Variants in COL23A1 observed in about 807,000 individuals in gnomAD.
The protein encoded by COL23A1 is collagen type XXIII alpha 1 chain.
COL23A1 carries 97 observed loss-of-function variants against 99.3 expected under a neutral mutation model. The ratio of observed to expected loss-of-function variants is 0.98; its 90% CI spans 0.83 to 1.16. The LOEUF (loss-of-function observed/expected upper bound fraction) is 1.16. Ranked by LOEUF, COL23A1 falls within the 50% of genes most tolerant of loss-of-function variation. The pLI is 0.00. For missense variants in COL23A1, 762 were observed against 757.4 expected (o/e 1.01, Z -0.07); for synonymous variants, 320 against 308.2 (o/e 1.04, Z -0.40).
chr5:178,405,405 T>C (rs1442052142), intron 2 of COL23A1, among the ~76,000 whole-genome samples: 1 of 152,264 alleles, frequency 6.6e-6, no homozygotes, highest in Non-Finnish European at 1.5e-5. Context: ...ACCCAATAGT[T>C]TTAGGAGATT....
rs1235103304 is a variant in COL23A1 at position 178,590,077 on chromosome 5, G to A, written c.121C>T (p.Leu41=). 6 of 1,315,564 alleles carry A rather than the reference G, an allele frequency of 4.6e-6. No homozygotes were observed. The highest frequency in any genetic ancestry group is 5.8e-6 in the Non-Finnish European group (6 of 1,028,792). 81.5% of individuals were successfully genotyped at this position (1,315,564 alleles called of 1,614,324 possible). A position where few individuals can be genotyped will look rare whatever the true frequency, so the allele number is the denominator to read the frequency against. The part of the protein sequence containing the change: ...AGSRAVSALC[L]LLSVGSAAAC... The stretch of plus-strand genomic sequence containing the variant: ...GCCGCCGAGCCCACGGAGAGCAGCA[G>A]GCACAGCGCGCTCACCGCCCGGGAC... Residue 41 remains leucine (L), a synonymous_variant, in exon 1 of 29, where the codon CTG becomes TTG. Transcript: ENST00000390654. The surrounding 1 kb of genome is among the most constrained non-coding windows in gnomAD (Gnocchi z 5.7).
chr5:178,583,653 G>A (rs1382457603), intron 1 of COL23A1, among the ~76,000 whole-genome samples: 2 of 152,204 alleles, frequency 1.3e-5, no homozygotes, highest in African/African-American at 4.8e-5. Context: ...AATTTCTGCT[G>A]GGACTGTTGG....
In COL23A1 at chr5:178,468,238, C is replaced by T. The variant is rs1043217011; in HGVS notation, c.361+92444G>A. Among the ~76,000 whole-genome samples, 3 of 151,936 alleles carry T rather than the reference C, an allele frequency of 2.0e-5. No individual in the cohort carries two copies. The highest frequency in any genetic ancestry group is 4.4e-5 in the Non-Finnish European group (3 of 68,012). On this transcript the variant is annotated intron_variant, in intron 2 of 28. Coordinates refer to ENST00000390654, the MANE Select transcript of COL23A1 (RefSeq NM_173465.4). The surrounding 1 kb of genome is among the most constrained non-coding windows in gnomAD (Gnocchi z 4.2). Reference sequence around the variant, plus strand: ...CCACCCAGACTCCAGCCAGAAGCCACGGCAAGCCGCCAGTGTCGAGCAGAG... The same window carrying T: ...CCACCCAGACTCCAGCCAGAAGCCATGGCAAGCCGCCAGTGTCGAGCAGAG...
At chr5:178,392,997 G>T (rs1764045904) in intron 2 of COL23A1, among the ~76,000 whole-genome samples, 2 of 152,236 alleles carry the variant, frequency 1.3e-5, no homozygotes, top group Non-Finnish European at 2.9e-5. Flanking sequence ...TCAGCCATCT[G>T]CATTTTGCAG....
chr5:178,344,076 G>C (rs1031843250), intron 2 of COL23A1, among the ~76,000 whole-genome samples: 1 of 152,140 alleles, frequency 6.6e-6, no homozygotes, highest in Admixed American at 6.5e-5. Context: ...TTTTAGAAAA[G>C]AAATGAACGT....
At chr5:178,446,948 G>A (rs1767193560) in intron 2 of COL23A1, among the ~76,000 whole-genome samples, 1 of 152,092 alleles carries the variant, frequency 6.6e-6, no homozygotes, top group African/African-American at 2.4e-5. Context: ...CTCTAATTAT[G>A]AGAATAAATC....
At chr5:178,245,773 T>TG (rs1262703640) in intron 25 of COL23A1, among the ~76,000 whole-genome samples, 169 bp downstream of exon 25, 2 of 152,236 alleles carry the variant, frequency 1.3e-5, no homozygotes, top group African/African-American at 4.8e-5. Context: ...GGACCTACTC[T>TG]GGGTCGTGCA....
intron 2 of COL23A1, among the ~76,000 whole-genome samples, chr5:178,543,778 T>C (rs934734833): frequency 6.6e-6 from 1 of 152,156 alleles, no homozygotes; most frequent in African/African-American, 2.4e-5. Flanking sequence ...ACAGATTTAG[T>C]CTGTGGGGGC....
chr5:178,567,505 C>T (rs1762894189), intron 1 of COL23A1, among the ~76,000 whole-genome samples: 1 of 152,136 alleles, frequency 6.6e-6, no homozygotes, highest in African/African-American at 2.4e-5. Context: ...CAATTTGGGA[C>T]ACCAGGACGG....
At chr5:178,519,030 G>A (rs1158963809) in intron 2 of COL23A1, among the ~76,000 whole-genome samples, 1 of 150,906 alleles carries the variant, frequency 6.6e-6, no homozygotes, top group African/African-American at 2.4e-5. Context: ...GCACTGCCCC[G>A]GGCCGCAGCG....
chr5:178,520,783 C>T (rs921987295), intron 2 of COL23A1, among the ~76,000 whole-genome samples: 7 of 152,184 alleles, frequency 4.6e-5, no homozygotes, highest in African/African-American at 1.7e-4. Context: ...GTGCACGACC[C>T]CAGCATACAG....
At chr5:178,587,255 C>A (rs1171574024) in intron 1 of COL23A1, among the ~76,000 whole-genome samples, 1 of 152,164 alleles carries the variant, frequency 6.6e-6, no homozygotes, top group South Asian at 2.1e-4. Context: ...GGCTCTTACT[C>A]AGAAATCTTG....
intron 2 of COL23A1, among the ~76,000 whole-genome samples, chr5:178,343,277 GAGAA>G (rs1760771464): frequency 6.6e-6 from 1 of 152,186 alleles, no homozygotes. Context: ...AGATCCAGAA[GAGAA>G]AGAGAGTGAC....
chr5:178,481,131 CAA>C (rs10625763), intron 2 of COL23A1, among the ~76,000 whole-genome samples: 53 of 102,256 alleles, frequency 5.2e-4, no homozygotes, highest in South Asian at 2.4e-3. Flanking sequence ...GACTGTCTCT[CAA>C]AAAAAAAAAA....
chr5:178,576,046 C>A (rs1459520416), intron 1 of COL23A1, among the ~76,000 whole-genome samples: 1 of 152,206 alleles, frequency 6.6e-6, no homozygotes, highest in African/African-American at 2.4e-5. Flanking sequence ...AGCCGCAGTG[C>A]TTTTGGCAGT....
chr5:178,523,201 TAGAGAG>T (rs70997609), intron 2 of COL23A1, among the ~76,000 whole-genome samples: 28 of 77,614 alleles, frequency 3.6e-4, no homozygotes, highest in African/African-American at 7.0e-4. Flanking sequence ...TATATATATA[TAGAGAG>T]AGAGAGAGAG....
chr5:178,408,379 G>C (rs1764868155), intron 2 of COL23A1, among the ~76,000 whole-genome samples: 1 of 152,210 alleles, frequency 6.6e-6, no homozygotes, highest in Non-Finnish European at 1.5e-5. Context: ...ATCAGGGAGG[G>C]AGAAAGAACA....
At chr5:178,585,752 T>TGGCGCTGGG (rs1562115800) in intron 1 of COL23A1, among the ~76,000 whole-genome samples, 1 of 5,498 alleles carries the variant, frequency 1.8e-4, no homozygotes, top group Non-Finnish European at 7.9e-4. Flanking sequence ...CTGACCCTGT[T>TGGCGCTGGG]GGTTGCTCCC....
chr5:178,242,244 G>T, intron 26 of COL23A1, 97 bp downstream of exon 26: 1 of 1,489,624 alleles, frequency 6.7e-7, no homozygotes, highest in Non-Finnish European at 9.2e-7. Flanking sequence ...CCACCTGCCC[G>T]GCCTGGGTTC....
Sources: gnomAD v4.1 joint callset for allele counts (sites outside exome capture counted in the v4.1 genomes callset) on GRCh38, gnomAD v4.1.1 for gene constraint, Gnocchi (gnomAD v3.1) non-coding constraint, MANE v1.5 for transcripts, NCBI Gene and HGNC (gene_info 2026-07-23, HGNC 2026-07-21) for gene names.